Variants in NTNG1 observed in about 807,000 individuals in gnomAD.
NTNG1 encodes netrin G1.
In NTNG1, 16 loss-of-function variants were observed where a neutral mutation model predicts 54.0. The observed-to-expected ratio is 0.30, with a 90% CI of 0.20 to 0.45. The LOEUF (loss-of-function observed/expected upper bound fraction) is 0.45. Among genes scored for constraint, NTNG1 ranks in the 20% least tolerant of loss-of-function variants. The pLI is 1.00. For synonymous variants in NTNG1, 255 were observed against 263.1 expected, an observed-to-expected ratio of 0.97 and a Z score of 0.30; for missense variants, 530 against 678.7, an observed-to-expected ratio of 0.78 and a Z score of 2.43.
chr1:107,356,020 G>A (rs774770258), intron 3 of NTNG1, among the ~76,000 whole-genome samples: 1 of 152,126 alleles, frequency 6.6e-6, no homozygotes, highest in African/African-American at 2.4e-5. Flanking sequence ...ATTTTGGGCT[G>A]TTTTACCTTC....
At chr1:107,143,039 T>A (rs1428618229) in intron 1 of NTNG1, 1 of 152,192 alleles carries the variant, frequency 6.6e-6, no homozygotes, top group African/African-American at 2.4e-5. Context: ...GTGCATCAAG[T>A]ATTTCACATG....
intron 5 of NTNG1, 65 bp downstream of exon 5, chr1:107,407,773 A>G (rs1673532767): frequency 7.6e-7 from 1 of 1,308,530 alleles, no homozygotes; most frequent in South Asian, 1.2e-5. Context: ...TTTGTTGTTC[A>G]CCTCCTCAGA....
intron 6 of NTNG1, among the ~76,000 whole-genome samples, chr1:107,433,440 G>A (rs1348678083): frequency 6.6e-6 from 1 of 152,226 alleles, no homozygotes; most frequent in Non-Finnish European, 1.5e-5. Context: ...CAGCTACTCA[G>A]AAGGCTGAGG....
intron 3 of NTNG1, among the ~76,000 whole-genome samples, chr1:107,365,551 C>T (rs1044406859): frequency 2.0e-5 from 3 of 152,160 alleles, no homozygotes; most frequent in Admixed American, 6.5e-5. Flanking sequence ...TGCAATTTTA[C>T]AGTCGCTTAC....
intron 2 of NTNG1, among the ~76,000 whole-genome samples, chr1:107,263,973 T>C (rs1197301248): frequency 6.6e-6 from 1 of 152,236 alleles, no homozygotes; most frequent in Non-Finnish European, 1.5e-5. Flanking sequence ...TCTCTTATGG[T>C]TCTTATCATA....
At chr1:107,141,947 T>A (rs1285645592) in intron 1 of NTNG1, among the ~76,000 whole-genome samples, 2 of 152,198 alleles carry the variant, frequency 1.3e-5, no homozygotes, top group East Asian at 3.9e-4. Flanking sequence ...GGTGGCCACA[T>A]CGAGAGCTTT....
At chr1:107,414,853 A>C (rs1237401328) in intron 5 of NTNG1, among the ~76,000 whole-genome samples, 1 of 152,154 alleles carries the variant, frequency 6.6e-6, no homozygotes, top group Non-Finnish European at 1.5e-5. Context: ...GCAGTTAAGG[A>C]ATTGTTCAAG....
At chr1:107,473,088 C>A (rs1201815301) in intron 7 of NTNG1, among the ~76,000 whole-genome samples, 30 of 152,170 alleles carry the variant, frequency 2.0e-4, no homozygotes, top group Non-Finnish European at 1.5e-5. Context: ...ATCTTTCTCT[C>A]AGCAATCCTG....
chr1:107,252,430 TAATCATGCC>T (rs1662668680), intron 2 of NTNG1, among the ~76,000 whole-genome samples: 1 of 152,162 alleles, frequency 6.6e-6, no homozygotes, highest in South Asian at 2.1e-4. Context: ...CTCCAACAGG[TAATCATGCC>T]AATATCTAAG....
intron 2 of NTNG1, among the ~76,000 whole-genome samples, chr1:107,179,254 C>T (rs1282203246): frequency 2.0e-5 from 3 of 152,144 alleles, no homozygotes; most frequent in East Asian, 3.9e-4. Flanking sequence ...TATGCTGGAA[C>T]TTGGTGGATC....
At chr1:107,429,702 C>T (rs1050887121) in intron 5 of NTNG1, among the ~76,000 whole-genome samples, 1 of 152,158 alleles carries the variant, frequency 6.6e-6, no homozygotes, top group Non-Finnish European at 1.5e-5. Flanking sequence ...TAGGCCTACC[C>T]TCATATTCCA....
At chr1:107,442,765 G>A (rs1676044885) in intron 7 of NTNG1, among the ~76,000 whole-genome samples, 1 of 152,144 alleles carries the variant, frequency 6.6e-6, no homozygotes, top group Non-Finnish European at 1.5e-5. Context: ...ATTGCAGACA[G>A]TGATGTAAGA....
chr1:107,256,882 C>A (rs1662969216), intron 2 of NTNG1, among the ~76,000 whole-genome samples: 1 of 152,128 alleles, frequency 6.6e-6, no homozygotes, highest in Admixed American at 6.5e-5. Flanking sequence ...TACTTTATGC[C>A]CTTCCTATAC....
chr1:107,367,599 G>C (rs937751314), intron 3 of NTNG1, among the ~76,000 whole-genome samples: 1 of 152,020 alleles, frequency 6.6e-6, no homozygotes, highest in Non-Finnish European at 1.5e-5. Context: ...TTTGTAAACA[G>C]GCAATTTTAC....
intron 3 of NTNG1, among the ~76,000 whole-genome samples, chr1:107,376,422 A>AC (rs899978856): frequency 4.9e-4 from 73 of 150,456 alleles, no homozygotes; most frequent in African/African-American, 1.4e-3. Context: ...CAAAACAAAA[A>AC]AAAAAACAAA....
At chr1:107,403,450 C>G (rs529589240) in intron 4 of NTNG1, among the ~76,000 whole-genome samples, 1 of 152,240 alleles carries the variant, frequency 6.6e-6, no homozygotes, top group African/African-American at 2.4e-5. Context: ...TGGCTTATAC[C>G]TGTAATCCCA....
chr1:107,148,480 T>C lies in NTNG1; in HGVS notation c.-114T>C, dbSNP rs965119922. ...TCATTTAAAAAAAAATACAGAGACC[T>C]ACCTACCCGTACGCATACATACATA... On this transcript the variant is annotated 5_prime_UTR_variant, in exon 2 of 8. Transcript: ENST00000370068. The C allele has an allele frequency of 2.1e-6, 2 of 972,084 alleles. No individual in the cohort carries two copies. Among genetic ancestry groups the C allele is most frequent in the South Asian group, 3.2e-5 (2 of 62,224 alleles). The allele number at this position is 972,084 out of a possible 1,614,324, so 60.2% of individuals were successfully genotyped here. A position where few individuals can be genotyped will look rare whatever the true frequency, so the allele number is the denominator to read the frequency against.
chr1:107,379,612 A>G (rs1671517669), intron 3 of NTNG1, among the ~76,000 whole-genome samples: 1 of 152,224 alleles, frequency 6.6e-6, no homozygotes, highest in South Asian at 2.1e-4. Context: ...GTGCCCTATC[A>G]GCCCTCCTTC....
intron 2 of NTNG1, among the ~76,000 whole-genome samples, chr1:107,323,612 G>C (rs1380444859): frequency 6.6e-6 from 1 of 152,088 alleles, no homozygotes; most frequent in East Asian, 1.9e-4. Context: ...AGACTTTCCT[G>C]AACAATCCTT....
Sources: allele counts gnomAD v4.1 joint callset (sites outside exome capture counted in the v4.1 genomes callset), GRCh38; gene constraint gnomAD v4.1.1; transcripts MANE v1.5; gene names NCBI Gene and HGNC (gene_info 2026-07-23, HGNC 2026-07-21).